Variants in EMCN observed in about 807,000 individuals in gnomAD.
EMCN encodes the protein endomucin.
EMCN carries 37 observed loss-of-function variants against 38.4 expected under a neutral mutation model. The ratio of observed to expected loss-of-function variants is 0.96; its 90% confidence interval spans 0.74 to 1.27. The LOEUF (loss-of-function observed/expected upper bound fraction) is 1.27, where lower values mean the gene tolerates loss of function less well. Ranked by LOEUF, EMCN falls within the 50% of genes most tolerant of loss-of-function variation. The pLI, the probability that EMCN is intolerant of heterozygous loss-of-function variation, is 0.00. For synonymous variants in EMCN, 95 were observed against 100.8 expected (o/e 0.94, Z 0.35); for missense variants, 318 against 302.8 (o/e 1.05, Z -0.37).
intron 5 of EMCN, among the ~76,000 whole-genome samples, chr4:100,436,602 G>A (rs942633444): frequency 7.9e-5 from 12 of 152,062 alleles, no homozygotes; most frequent in Non-Finnish European, 1.3e-4. Flanking sequence ...CAAATATATG[G>A]AATCAACCCA....
chr4:100,486,806 G>A (rs1474755600), intron 1 of EMCN: 1 of 955,720 alleles, frequency 1.0e-6, no homozygotes, highest in African/African-American at 1.8e-5. Flanking sequence ...AAGAACCTGA[G>A]ATGTCCTGGC....
intron 3 of EMCN, among the ~76,000 whole-genome samples, chr4:100,474,721 T>C (rs1489409976): frequency 6.6e-6 from 1 of 152,214 alleles, no homozygotes; most frequent in African/African-American, 2.4e-5. Flanking sequence ...TTGAAAACTT[T>C]ATGCTAAGTG....
At chr4:100,491,339 G>A (rs1197223932) in intron 1 of EMCN, among the ~76,000 whole-genome samples, 1 of 152,112 alleles carries the variant, frequency 6.6e-6, no homozygotes, top group Non-Finnish European at 1.5e-5. Context: ...CACCACACTT[G>A]GGAATTTAAC....
In EMCN at chr4:100,438,333, T is replaced by C. The variant is rs188293405; in HGVS notation, c.415+9200A>G. On this transcript the variant is annotated intron_variant, in intron 5 of 11. Transcript: ENST00000296420. Reference sequence around the variant, plus strand: ...ATGGGTTTATCAGAATGTAACCCCATGGTAAGTCAGAAAGCATCAGTAATT... The same window carrying C: ...ATGGGTTTATCAGAATGTAACCCCACGGTAAGTCAGAAAGCATCAGTAATT... Among the ~76,000 whole-genome samples the C allele has an allele frequency of 1.2e-3, 189 of 152,234 alleles. 2 individuals are homozygous for C. Among genetic ancestry groups the C allele is most frequent in the Admixed American group, 4.6e-3 (71 of 15,288 alleles).
chr4:100,457,752 G>C (rs975062329), intron 4 of EMCN, among the ~76,000 whole-genome samples: 14 of 152,130 alleles, frequency 9.2e-5, no homozygotes, highest in Non-Finnish European at 1.3e-4. Context: ...ATATCAGTCT[G>C]CAGTGTTCTT....
chr4:100,408,847 G>A (rs1195092325), intron 11 of EMCN, among the ~76,000 whole-genome samples: 1 of 152,156 alleles, frequency 6.6e-6, no homozygotes, highest in Non-Finnish European at 1.5e-5. Context: ...CCAAGCTAGG[G>A]GCTCATGACT....
At chr4:100,472,156 ACTAT>A (rs1215584678) in intron 3 of EMCN, among the ~76,000 whole-genome samples, 2 of 151,982 alleles carry the variant, frequency 1.3e-5, no homozygotes, top group Non-Finnish European at 2.9e-5. Flanking sequence ...AGGAAGTAAA[ACTAT>A]CTATATTTGC....
intron 3 of EMCN, among the ~76,000 whole-genome samples, chr4:100,471,480 A>G (rs1192221308): frequency 6.6e-6 from 1 of 151,960 alleles, no homozygotes; most frequent in African/African-American, 2.4e-5. Context: ...GCTCAGCACC[A>G]GGGTCTTCCC....
In EMCN at chr4:100,406,627, AT is replaced by A. The variant is rs535151834; in HGVS notation, c.*39+3654del. Among the ~76,000 whole-genome samples, 245 of 152,140 alleles carry A rather than the reference AT, an allele frequency of 1.6e-3. 2 individuals carry two copies. Among genetic ancestry groups the A allele is most frequent in the Admixed American group, 5.8e-3 (89 of 15,256 alleles). On this transcript the variant is annotated intron_variant, in intron 11 of 11. Transcript: ENST00000296420. ...CTGGTATGATTTTGGCTTTTTTGAAATTATTGAGAATTTCTGGCTGAGCATG... is the reference window on the plus strand; with the variant it reads ...CTGGTATGATTTTGGCTTTTTTGAAATATTGAGAATTTCTGGCTGAGCATG...
At chr4:100,493,827 G>C (rs753974481) in intron 1 of EMCN, among the ~76,000 whole-genome samples, 4 of 152,148 alleles carry the variant, frequency 2.6e-5, no homozygotes, top group Non-Finnish European at 4.4e-5. Flanking sequence ...ATTCACTCAA[G>C]TCTTCATATA....
intron 1 of EMCN, among the ~76,000 whole-genome samples, chr4:100,491,105 A>G (rs564289983): frequency 6.6e-6 from 1 of 152,262 alleles, no homozygotes; most frequent in Non-Finnish European, 1.5e-5. Context: ...CCCTATCTAT[A>G]GGTTGATTCT....
At chr4:100,424,881 C>A (rs1268538815) in intron 5 of EMCN, among the ~76,000 whole-genome samples, 1 of 151,880 alleles carries the variant, frequency 6.6e-6, no homozygotes, top group African/African-American at 2.4e-5. Context: ...GGTTAATTGT[C>A]CTACCATATT....
At chr4:100,473,670 G>A (rs1357068671) in intron 3 of EMCN, among the ~76,000 whole-genome samples, 3 of 151,996 alleles carry the variant, frequency 2.0e-5, no homozygotes, top group Non-Finnish European at 4.4e-5. Flanking sequence ...CCATTTGAGA[G>A]CAATCATTGA....
At position 100,480,785 on chromosome 4, in the gene EMCN, C is replaced by T. The variant is rs546486048; in HGVS notation, c.65-746G>A. 1.3e-4 allele frequency among the ~76,000 whole-genome samples: 19 copies of T among 151,920 alleles called. No homozygotes were observed. The East Asian group carries it at 1.4e-3, about 11-fold the overall frequency. On this transcript the variant is annotated intron_variant, in intron 1 of 11. Transcript: ENST00000296420. ...ACATTTTGATCCATATTATATATTTCTTTTAAATAAGGATTCTTAAAACTT... is the reference window on the plus strand; with the variant it reads ...ACATTTTGATCCATATTATATATTTTTTTTAAATAAGGATTCTTAAAACTT...
chr4:100,421,280 A>G lies in EMCN; in HGVS notation c.664+2T>C. The G allele has an allele frequency of 6.2e-7, 1 of 1,611,614 alleles. No homozygotes were observed. The highest frequency in any genetic ancestry group is 1.1e-5 in the South Asian group (1 of 90,978). ...AAAACAAAACAAAACACTGTTACCTACCCGGATCTGCCTTCCAGCACATTC... is the reference window on the plus strand; with the variant it reads ...AAAACAAAACAAAACACTGTTACCTGCCCGGATCTGCCTTCCAGCACATTC... On this transcript the variant is annotated splice_donor_variant, in intron 8 of 11. Transcript: ENST00000296420. LOFTEE classifies it high-confidence loss of function.
intron 3 of EMCN, among the ~76,000 whole-genome samples, chr4:100,473,365 G>GTTTTTTT: frequency 0.026 from 788 of 29,760 alleles, 200 homozygotes; most frequent in East Asian, 0.077. Context: ...CCCGTTTCGT[G>GTTTTTTT]TTTTTTTGTT....
At chr4:100,509,274 G>A (rs1729563414) in intron 1 of EMCN, among the ~76,000 whole-genome samples, 1 of 152,056 alleles carries the variant, frequency 6.6e-6, no homozygotes, top group Non-Finnish European at 1.5e-5. Context: ...TATAAAACTT[G>A]TACCCAACAA....
chr4:100,407,484 A>G (rs990435197), intron 11 of EMCN, among the ~76,000 whole-genome samples: 1 of 152,070 alleles, frequency 6.6e-6, no homozygotes, highest in Admixed American at 6.6e-5. Context: ...TATGAGGTCT[A>G]GTTTGGCTGG....
intron 11 of EMCN, among the ~76,000 whole-genome samples, chr4:100,408,762 A>G (rs1223705598): frequency 6.6e-6 from 1 of 152,154 alleles, no homozygotes; most frequent in Non-Finnish European, 1.5e-5. Flanking sequence ...CAGCAGGGGC[A>G]GGGACCTTGG....
Sources: allele counts gnomAD v4.1 joint callset (sites outside exome capture counted in the v4.1 genomes callset), GRCh38; gene constraint gnomAD v4.1.1; transcripts MANE v1.5; gene names NCBI Gene and HGNC (gene_info 2026-07-23, HGNC 2026-07-21).